TRIM44: variants seen among roughly 807,000 people sequenced by gnomAD.
The protein encoded by TRIM44 is tripartite motif-containing protein 44.
Under a neutral mutation model 37.4 loss-of-function variants are expected in TRIM44, and 13 were observed. The ratio of observed to expected loss-of-function variants is 0.35; its 90% CI spans 0.23 to 0.55. The LOEUF (loss-of-function observed/expected upper bound fraction) is 0.55, where lower values mean the gene tolerates loss of function less well. Among genes scored for constraint, TRIM44 ranks in the 20% least tolerant of loss-of-function variants. The pLI is 0.89. For missense variants in TRIM44, 426 were observed against 437.2 expected (o/e 0.97, Z 0.23); for synonymous variants, 175 against 157.2 (o/e 1.11, Z -0.85).
chr11:35,788,285 C>A (rs1853155761), intron 4 of TRIM44, among the ~76,000 whole-genome samples: 1 of 152,056 alleles, frequency 6.6e-6, no homozygotes, highest in South Asian at 2.1e-4. Context: ...CAAAAGAGAT[C>A]TTTGTTATGA....
intron 4 of TRIM44, among the ~76,000 whole-genome samples, chr11:35,745,894 C>T (rs1464436836): frequency 6.6e-6 from 1 of 151,960 alleles, no homozygotes; most frequent in African/African-American, 2.4e-5. Flanking sequence ...CACAGTGGCC[C>T]GGACTGGGAA....
chr11:35,672,316 T>C (rs1851403537), intron 1 of TRIM44, among the ~76,000 whole-genome samples: 1 of 152,088 alleles, frequency 6.6e-6, no homozygotes, highest in Non-Finnish European at 1.5e-5. Context: ...TTCTATTCTG[T>C]TAAAAAAAAT....
At chr11:35,752,934 C>T (rs909368508) in intron 4 of TRIM44, among the ~76,000 whole-genome samples, 11 of 152,100 alleles carry the variant, frequency 7.2e-5, no homozygotes, top group African/African-American at 4.8e-5. Context: ...CTTTCTTTTC[C>T]GCTAGAACAT....
At chr11:35,696,303 A>G (rs1276577361) in intron 2 of TRIM44, among the ~76,000 whole-genome samples, 2 of 151,476 alleles carry the variant, frequency 1.3e-5, no homozygotes, top group Non-Finnish European at 2.9e-5. Flanking sequence ...TACCATGCCC[A>G]GCTAATTTTT....
intron 4 of TRIM44, among the ~76,000 whole-genome samples, chr11:35,742,483 TTG>T (rs1477989711): frequency 2.2e-5 from 3 of 135,700 alleles, no homozygotes; most frequent in African/African-American, 5.5e-5. Flanking sequence ...ATTATATTAA[TTG>T]TATTATATAT....
At chr11:35,773,616 C>A (rs1043561443) in intron 4 of TRIM44, among the ~76,000 whole-genome samples, 1 of 152,088 alleles carries the variant, frequency 6.6e-6, no homozygotes, top group Non-Finnish European at 1.5e-5. Context: ...TGCTATCCCT[C>A]CCCTCTCCCC....
chr11:35,663,547 CAAG>C lies in TRIM44; in HGVS notation c.443_445del (p.Glu148del), dbSNP rs1286829858. The C allele has an allele frequency of 1.1e-5, 18 of 1,612,752 alleles. No homozygotes were observed. The highest frequency in any genetic ancestry group is 1.4e-5 in the Non-Finnish European group (16 of 1,179,380). On this transcript the variant is annotated inframe_deletion, in exon 1 of 5. Transcript: ENST00000299413. ...AGAAAGCGAGGCCGAAGAAGACAAC[CAAG>C]AAGAAGGGGAATCCGAGGCGGAGGG...
intron 2 of TRIM44, among the ~76,000 whole-genome samples, chr11:35,688,808 T>A (rs1851610092): frequency 6.6e-6 from 1 of 152,232 alleles, no homozygotes; most frequent in South Asian, 2.1e-4. Flanking sequence ...TAGACAATGT[T>A]CATTTCTATG....
chr11:35,711,998 A>G (rs2135508532), intron 2 of TRIM44, among the ~76,000 whole-genome samples: 1 of 152,320 alleles, frequency 6.6e-6, no homozygotes, highest in Middle Eastern at 3.4e-3. Context: ...TTAAAGGGCC[A>G]TTGATACCTG....
At chr11:35,714,291 A>G (rs79016064) in intron 2 of TRIM44, among the ~76,000 whole-genome samples, 2 of 152,114 alleles carry the variant, frequency 1.3e-5, no homozygotes, top group South Asian at 2.1e-4. Context: ...AGTGCTTTCC[A>G]TGTATTATTT....
intron 2 of TRIM44, among the ~76,000 whole-genome samples, chr11:35,712,687 A>G (rs977961442): frequency 3.9e-5 from 6 of 152,162 alleles, no homozygotes; most frequent in Non-Finnish European, 7.3e-5. Flanking sequence ...ACTTGATAGT[A>G]TACTCTTTGC....
chr11:35,744,380 G>C (rs768683654), intron 4 of TRIM44, among the ~76,000 whole-genome samples: 24 of 152,086 alleles, frequency 1.6e-4, no homozygotes, highest in Non-Finnish European at 2.9e-4. Context: ...TGAAGTCATG[G>C]ATATATTAAC....
chr11:35,695,806 CAT>C (rs2135496735), intron 2 of TRIM44, among the ~76,000 whole-genome samples: 1 of 151,842 alleles, frequency 6.6e-6, no homozygotes, highest in African/African-American at 2.4e-5. Context: ...TATACTCAGA[CAT>C]ATTAGAATTA....
At chr11:35,700,840 G>A (rs1437352823) in intron 2 of TRIM44, among the ~76,000 whole-genome samples, 1 of 152,094 alleles carries the variant, frequency 6.6e-6, no homozygotes, top group Non-Finnish European at 1.5e-5. Context: ...ATTTCCCAAA[G>A]ATTACTAAAG....
chr11:35,682,451 C>G (rs561963412), intron 1 of TRIM44, among the ~76,000 whole-genome samples: 16 of 152,266 alleles, frequency 1.1e-4, no homozygotes, highest in African/African-American at 3.8e-4. Context: ...TGCCCCAGCT[C>G]TGCAGCTGTC....
At chr11:35,744,232 A>G (rs1284518573) in intron 4 of TRIM44, among the ~76,000 whole-genome samples, 4 of 152,238 alleles carry the variant, frequency 2.6e-5, no homozygotes, top group Non-Finnish European at 4.4e-5. Flanking sequence ...ACTGGAATTT[A>G]TATAAACAAC....
intron 2 of TRIM44, among the ~76,000 whole-genome samples, chr11:35,710,990 C>CAA (rs1851963339): frequency 1.3e-5 from 2 of 151,972 alleles, no homozygotes; most frequent in African/African-American, 4.8e-5. Context: ...TCAGAATAGG[C>CAA]AAATATATAG....
At chr11:35,705,669 A>C (rs1423952110) in intron 2 of TRIM44, among the ~76,000 whole-genome samples, 1 of 148,708 alleles carries the variant, frequency 6.7e-6, no homozygotes, top group South Asian at 2.2e-4. Flanking sequence ...ACTACTGGGT[A>C]CATAACAAAA....
chr11:35,675,275 A>G (rs1462529854), intron 1 of TRIM44, among the ~76,000 whole-genome samples: 2 of 152,206 alleles, frequency 1.3e-5, no homozygotes, highest in Admixed American at 6.5e-5. Flanking sequence ...CAGTGTTTAC[A>G]TTGGGATTAA....
Sources: gnomAD v4.1 joint callset for allele counts (sites outside exome capture counted in the v4.1 genomes callset) on GRCh38, gnomAD v4.1.1 for gene constraint, MANE v1.5 for transcripts, NCBI Gene and HGNC (gene_info 2026-07-23, HGNC 2026-07-21) for gene names.